Variants in ATP13A5 observed in about 807,000 individuals in gnomAD.
ATP13A5 encodes the protein probable cation-transporting ATPase 13A5.
A neutral mutation model predicts 150.2 loss-of-function variants in ATP13A5; 149 were observed. The ratio of observed to expected loss-of-function variants is 0.99; its 90% CI spans 0.87 to 1.14. ATP13A5 has a LOEUF of 1.14. Among genes scored for constraint, ATP13A5 ranks in the 50% most tolerant of loss-of-function variants. ATP13A5 has a pLI of 0.00. For missense variants in ATP13A5, 1,383 were observed against 1,449.3 expected (o/e 0.95, Z 0.74); for synonymous variants, 497 against 522.2 (o/e 0.95, Z 0.66).
chr3:193,321,003 C>T (rs1029722566), intron 16 of ATP13A5, among the ~76,000 whole-genome samples: 5 of 152,148 alleles, frequency 3.3e-5, no homozygotes, highest in Non-Finnish European at 5.9e-5. Context: ...ATCTGATTCT[C>T]CCTGGAGGTG....
intron 27 of ATP13A5, among the ~76,000 whole-genome samples, chr3:193,282,623 C>T (rs959956856): frequency 6.6e-6 from 1 of 152,176 alleles, no homozygotes; most frequent in Non-Finnish European, 1.5e-5. Flanking sequence ...GTGATCTGCC[C>T]GCCTTGGCCT....
At chr3:193,359,634 C>T (rs866849165) in intron 5 of ATP13A5, among the ~76,000 whole-genome samples, 1 of 152,194 alleles carries the variant, frequency 6.6e-6, no homozygotes, top group Non-Finnish European at 1.5e-5. Context: ...GCCTCTCTTC[C>T]CAGCTTTGCA....
intron 25 of ATP13A5, among the ~76,000 whole-genome samples, chr3:193,294,765 AGTTGAAAATACATTTATGCT>A (rs1718096809): frequency 6.6e-6 from 1 of 152,130 alleles, no homozygotes; most frequent in Admixed American, 6.6e-5. Flanking sequence ...AACATTTTTC[AGTTGAAAATACATTTATGCT>A]GTACACCTAA....
intron 24 of ATP13A5, among the ~76,000 whole-genome samples, chr3:193,299,513 A>G (rs547292726): frequency 3.9e-5 from 6 of 152,298 alleles, no homozygotes; most frequent in Non-Finnish European, 7.3e-5. Flanking sequence ...TCAACATAAG[A>G]TGTTAAAGCC....
intron 10 of ATP13A5, 89 bp downstream of exon 10, chr3:193,334,840 A>C (rs963216333): frequency 2.5e-6 from 3 of 1,214,214 alleles, no homozygotes; most frequent in Non-Finnish European, 3.5e-6. Flanking sequence ...AGAATGTGGC[A>C]GACTCCATAA....
chr3:193,337,107 G>A (rs1394144005), intron 9 of ATP13A5, among the ~76,000 whole-genome samples: 1 of 152,068 alleles, frequency 6.6e-6, no homozygotes, highest in East Asian at 1.9e-4. Context: ...TTGTAAATTT[G>A]TTGGCGTTCT....
chr3:193,299,669 G>T (rs1718326338), intron 24 of ATP13A5, among the ~76,000 whole-genome samples: 1 of 152,090 alleles, frequency 6.6e-6, no homozygotes, highest in Non-Finnish European at 1.5e-5. Flanking sequence ...CTGAACAAAG[G>T]CTCCTACCCT....
intron 7 of ATP13A5, among the ~76,000 whole-genome samples, chr3:193,345,967 A>C (rs1712319654): frequency 6.6e-6 from 1 of 152,008 alleles, no homozygotes; most frequent in Non-Finnish European, 1.5e-5. Context: ...TTCTGATTGC[A>C]TGTGGGACAG....
chr3:193,356,967 T>C (rs1050860718), intron 5 of ATP13A5, among the ~76,000 whole-genome samples: 24 of 151,962 alleles, frequency 1.6e-4, no homozygotes, highest in African/African-American at 5.8e-4. Flanking sequence ...AGGCCCACAC[T>C]ACCACACCTG....
At chr3:193,292,170 T>G (rs918023733) in intron 25 of ATP13A5, among the ~76,000 whole-genome samples, 2 of 152,054 alleles carry the variant, frequency 1.3e-5, no homozygotes, top group African/African-American at 2.4e-5. Flanking sequence ...GTACACAGTG[T>G]GGACTGTGAT....
chr3:193,307,007 A>G, intron 22 of ATP13A5: 3 of 711,186 alleles, frequency 4.2e-6, no homozygotes, highest in Middle Eastern at 7.1e-4. Flanking sequence ...TCCTTGAGAA[A>G]TCATTTCATT....
chr3:193,312,027 G>T (rs951100213), intron 19 of ATP13A5, 86 bp from the exon 20 acceptor site: 1 of 1,533,984 alleles, frequency 6.5e-7, no homozygotes, highest in Non-Finnish European at 8.8e-7. Flanking sequence ...GAGTTTTCAT[G>T]TTGCCTAACA....
intron 12 of ATP13A5, 140 bp from the exon 13 acceptor site, chr3:193,327,197 A>T (rs1444251738): frequency 2.8e-6 from 2 of 709,520 alleles, no homozygotes; most frequent in Admixed American, 3.5e-5. Context: ...CAAATTTTAA[A>T]TCAGAGAGGA....
intron 6 of ATP13A5, among the ~76,000 whole-genome samples, chr3:193,352,234 A>G (rs2108891514): frequency 6.6e-6 from 1 of 152,346 alleles, no homozygotes; most frequent in South Asian, 2.1e-4. Flanking sequence ...TTGTCCATTA[A>G]AAAAGATTTT....
intron 1 of ATP13A5, among the ~76,000 whole-genome samples, chr3:193,370,798 A>T (rs1172081288): frequency 1.3e-5 from 2 of 152,242 alleles, no homozygotes; most frequent in African/African-American, 4.8e-5. Context: ...TTACTAAAAT[A>T]AGTATTAACA....
intron 9 of ATP13A5, among the ~76,000 whole-genome samples, chr3:193,338,627 T>C (rs3952766): frequency 0.98 from 148,679 of 151,324 alleles, 73,050 homozygotes; most frequent in East Asian, 1. Context: ...CTGCTGGATT[T>C]GGTTTGCCAG....
At chr3:193,313,974 T>C in intron 19 of ATP13A5, 59 bp downstream of exon 19, 1 of 1,574,904 alleles carries the variant, frequency 6.3e-7, no homozygotes, top group Non-Finnish European at 8.7e-7. Flanking sequence ...GGCTGAGCAG[T>C]GCCAGGACTG....
intron 7 of ATP13A5, among the ~76,000 whole-genome samples, chr3:193,347,929 C>T (rs900050969): frequency 6.6e-6 from 1 of 152,156 alleles, no homozygotes; most frequent in Admixed American, 6.6e-5. Flanking sequence ...AGGCCTCCCT[C>T]GTGAGTCAGG....
chr3:193,321,922 A>C (rs1719296179), intron 15 of ATP13A5, 85 bp from the exon 16 acceptor site: 2 of 1,432,318 alleles, frequency 1.4e-6, no homozygotes, highest in Non-Finnish European at 9.6e-7. Context: ...TTTACTGTGC[A>C]ATGAGCCCAG....
Sources: gnomAD v4.1 joint callset for allele counts (sites outside exome capture counted in the v4.1 genomes callset) on GRCh38, gnomAD v4.1.1 for gene constraint, MANE v1.5 for transcripts, NCBI Gene and HGNC (gene_info 2026-07-23, HGNC 2026-07-21) for gene names.